Variants in SOX5 observed in about 807,000 individuals in gnomAD.
SOX5 encodes the protein SRY-box transcription factor 5, also known as transcription factor SOX-5.
A neutral mutation model predicts 92.0 loss-of-function variants in SOX5; 9 were observed. The observed-to-expected ratio is 0.10, with a 90% CI of 0.06 to 0.17. SOX5 has a LOEUF of 0.17. Among genes scored for constraint, SOX5 ranks in the 10% least tolerant of loss-of-function variants. SOX5 has a pLI of 1.00. For missense variants in SOX5, 642 were observed against 944.5 expected (o/e 0.68, Z 4.20); for synonymous variants, 344 against 336.3 (o/e 1.02, Z -0.25).
At chr12:24,476,791 A>C (rs1945430474) in intron 1 of SOX5, among the ~76,000 whole-genome samples, 1 of 152,156 alleles carries the variant, frequency 6.6e-6, no homozygotes, top group Admixed American at 6.5e-5. Context: ...ACAAAGGTTT[A>C]CTGCAAAAAT....
At chr12:24,387,323 A>G (rs545357747) in intron 1 of SOX5, among the ~76,000 whole-genome samples, 2 of 152,280 alleles carry the variant, frequency 1.3e-5, no homozygotes, top group South Asian at 2.1e-4. Context: ...GCCCAATACA[A>G]ATTTGCAAAC....
chr12:23,872,164 ATTTTT>A (rs71059938), intron 2 of SOX5, among the ~76,000 whole-genome samples: 13 of 61,650 alleles, frequency 2.1e-4, no homozygotes, highest in Non-Finnish European at 2.9e-4. Flanking sequence ...CGCCCGGCTA[ATTTTT>A]TTTTTTTTTT....
rs183122535 is a variant in SOX5, at chr12:24,477,245, T to C, written c.-251+85084A>G. 1.6e-3 allele frequency among the ~76,000 whole-genome samples: 245 copies of C among 152,080 alleles called. 1 individual carries two copies. Among genetic ancestry groups the C allele is most frequent in the Non-Finnish European group, 2.8e-3 (192 of 67,988 alleles). ...ACCTCCTGGGCTCGAGCGATTCTCC[T>C]GCCTCAGCCTCTCGAATAGCTGGGA... On this transcript the variant is annotated intron_variant, in intron 1 of 4. Coordinates refer to the SOX5 transcript ENST00000446891.
At chr12:24,204,586 C>T (rs1329798939) in intron 4 of SOX5, among the ~76,000 whole-genome samples, 1 of 152,182 alleles carries the variant, frequency 6.6e-6, no homozygotes, top group Non-Finnish European at 1.5e-5. Context: ...GCCTCAGCCT[C>T]CCAAAGTGTT....
intron 4 of SOX5, among the ~76,000 whole-genome samples, chr12:24,000,428 G>A (rs548684454): frequency 1.4e-4 from 21 of 151,988 alleles, no homozygotes; most frequent in East Asian, 5.8e-4. Flanking sequence ...GGGAAAGATT[G>A]AACTATATTG....
intron 4 of SOX5, among the ~76,000 whole-genome samples, chr12:24,206,365 C>A (rs1383559154): frequency 2.0e-5 from 3 of 152,142 alleles, no homozygotes; most frequent in South Asian, 4.1e-4. Context: ...TCTGTTAGCA[C>A]AGGAAAAGTG....
intron 1 of SOX5, among the ~76,000 whole-genome samples, chr12:24,376,310 C>T (rs1384275720): frequency 6.6e-6 from 1 of 152,124 alleles, no homozygotes; most frequent in Non-Finnish European, 1.5e-5. Flanking sequence ...CTGGGTTTAC[C>T]AGTTAGCTGA....
chr12:23,879,617 A>T, intron 2 of SOX5, among the ~76,000 whole-genome samples: 1 of 152,188 alleles, frequency 6.6e-6, no homozygotes, highest in Admixed American at 6.5e-5. Context: ...AAATTAATGT[A>T]TGTTTTCTTT....
At chr12:23,874,926 G>A (rs978259859) in intron 2 of SOX5, among the ~76,000 whole-genome samples, 1 of 152,204 alleles carries the variant, frequency 6.6e-6, no homozygotes, top group African/African-American at 2.4e-5. Flanking sequence ...GGAATATGCT[G>A]AGTGCATACT....
At chr12:23,978,480 T>C (rs1949161737) in intron 4 of SOX5, among the ~76,000 whole-genome samples, 1 of 152,244 alleles carries the variant, frequency 6.6e-6, no homozygotes, top group African/African-American at 2.4e-5. Context: ...CTAGCTTCCC[T>C]AAATACTATC....
Position 23,945,372 on chromosome 12 carries a change from A to C in SOX5, c.38+4192T>G, listed in dbSNP as rs79714989. ...CACACCAATATGTGAAGTAATCATA[A>C]TATTTGCACATTTCTGTGTCTATCA... is the stretch of plus-strand genomic sequence containing the variant. On this transcript the variant is annotated intron_variant, in intron 1 of 14. Coordinates refer to ENST00000451604, the MANE Select transcript of SOX5 (RefSeq NM_006940.6). 4.6e-5 allele frequency among the ~76,000 whole-genome samples: 7 copies of C among 152,278 alleles called. No homozygotes were observed. In the East Asian group the frequency reaches 1.4e-3, roughly 29 times the overall value.
At chr12:23,638,620 C>T (rs1388764158) in intron 8 of SOX5, 1 of 152,142 alleles carries the variant, frequency 6.6e-6, no homozygotes, top group Non-Finnish European at 1.5e-5. Flanking sequence ...TCTCACCCAT[C>T]TCAGCAGGTT....
intron 4 of SOX5, among the ~76,000 whole-genome samples, chr12:24,038,187 G>T (rs1956220340): frequency 6.6e-6 from 1 of 152,168 alleles, no homozygotes; most frequent in Admixed American, 6.5e-5. Context: ...CTTTCTTCCA[G>T]CCAGAAACCA....
In SOX5 at chr12:23,848,036, T is replaced by C. The variant is rs2096593676; in HGVS notation, c.271-1843A>G. ...TAACACACATTAGCTTAGTTTCATG[T>C]GCAAACAGAATATTGCGAAACCTCT... is the stretch of plus-strand genomic sequence containing the variant. On this transcript the variant is annotated intron_variant, in intron 2 of 14. Transcript: ENST00000451604. 2.0e-5 allele frequency among the ~76,000 whole-genome samples: 3 copies of C among 152,164 alleles called. No individual in the cohort carries two copies. The South Asian group carries it at 6.2e-4, about 31-fold the overall frequency.
chr12:24,461,261 A>AC (rs1943592321), intron 1 of SOX5, among the ~76,000 whole-genome samples: 1 of 9,784 alleles, frequency 1.0e-4, no homozygotes. Context: ...CAAGCTGGTC[A>AC]TTTAAGTCAG....
intron 4 of SOX5, among the ~76,000 whole-genome samples, chr12:23,970,840 AATT>A (rs1462262369): frequency 1.2e-4 from 4 of 33,480 alleles, no homozygotes; most frequent in African/African-American, 4.1e-4. Flanking sequence ...ATATATATAT[AATT>A]TTTTTTTTTT....
intron 4 of SOX5, among the ~76,000 whole-genome samples, chr12:24,052,634 T>G (rs1287086568): frequency 6.6e-6 from 1 of 152,222 alleles, no homozygotes; most frequent in African/African-American, 2.4e-5. Context: ...CTGTACATAA[T>G]GTACCTGAAT....
intron 2 of SOX5, among the ~76,000 whole-genome samples, chr12:24,347,840 C>T (rs926157159): frequency 6.6e-5 from 10 of 152,074 alleles, no homozygotes; most frequent in Non-Finnish European, 1.0e-4. Context: ...ATTACTTAAA[C>T]TAGGGCCTCC....
At chr12:24,111,772 C>G (rs1033648800) in intron 4 of SOX5, among the ~76,000 whole-genome samples, 2 of 152,192 alleles carry the variant, frequency 1.3e-5, no homozygotes, top group Non-Finnish European at 2.9e-5. Flanking sequence ...TGTGATGACT[C>G]ATGAGGCCCT....
Sources: gnomAD v4.1 joint callset for allele counts (sites outside exome capture counted in the v4.1 genomes callset) on GRCh38, gnomAD v4.1.1 for gene constraint, MANE v1.5 for transcripts, NCBI Gene and HGNC (gene_info 2026-07-23, HGNC 2026-07-21) for gene names.